ABL1: variants seen among roughly 807,000 people sequenced by gnomAD.
ABL1 encodes the protein tyrosine-protein kinase ABL1.
A neutral mutation model predicts 94.7 loss-of-function variants in ABL1; 11 were observed. The observed-to-expected ratio is 0.12, with a 90% CI of 0.07 to 0.19. ABL1 has a LOEUF of 0.19. ABL1 is among the 10% of genes least tolerant of loss of function. The pLI is 1.00. For missense variants in ABL1, 1,082 were observed against 1,489.4 expected (o/e 0.73, Z 4.50); for synonymous variants, 656 against 622.4 (o/e 1.05, Z -0.80).
chr9:130,808,931 C>T (rs754169179), intron 1 of ABL1, among the ~76,000 whole-genome samples: 2 of 152,272 alleles, frequency 1.3e-5, no homozygotes, highest in South Asian at 2.1e-4. Context: ...TTAAGAACAG[C>T]GAATCCTGAG....
chr9:130,795,981 C>T (rs1041947443), intron 1 of ABL1, among the ~76,000 whole-genome samples: 3 of 151,878 alleles, frequency 2.0e-5, no homozygotes, highest in African/African-American at 4.8e-5. Flanking sequence ...CACCTGAGGT[C>T]GGAGTTCGAG....
At chr9:130,829,911 A>G (rs1264871362) in intron 1 of ABL1, among the ~76,000 whole-genome samples, 4 of 152,230 alleles carry the variant, frequency 2.6e-5, no homozygotes, top group African/African-American at 9.7e-5. Context: ...TAGATAATGG[A>G]TAAATCTAAT....
At chr9:130,792,844 T>C (rs2132810536) in intron 1 of ABL1, among the ~76,000 whole-genome samples, 1 of 152,280 alleles carries the variant, frequency 6.6e-6, no homozygotes, top group East Asian at 1.9e-4. Context: ...ATGCAGCTGC[T>C]TTCTAGTTTC....
chr9:130,738,247 T>C (rs762483726), intron 1 of ABL1, among the ~76,000 whole-genome samples: 1 of 151,932 alleles, frequency 6.6e-6, no homozygotes, highest in Non-Finnish European at 1.5e-5. Context: ...GAAAGAAATG[T>C]CATGCTAGTG....
intron 1 of ABL1, among the ~76,000 whole-genome samples, chr9:130,787,674 C>T (rs1432848683): frequency 2.6e-5 from 4 of 152,120 alleles, no homozygotes; most frequent in Non-Finnish European, 4.4e-5. Flanking sequence ...GTCGTCGTCA[C>T]GAGCACCTGG....
At position 130,876,928 on chromosome 9, in the gene ABL1, G is replaced by A. The variant is rs1042442328; in HGVS notation, c.1271-1487G>A. 1.2e-4 allele frequency among the ~76,000 whole-genome samples: 17 copies of A among 146,454 alleles called. 2 individuals are homozygous for A. Among genetic ancestry groups the A allele is most frequent in the South Asian group, 4.2e-4 (2 of 4,740 alleles). ...ATTTTTTTTCTATTTTTGTAGAGACGGGGTTTCACTGCGTTAGCCAGGATG... is the reference window on the plus strand; with the variant it reads ...ATTTTTTTTCTATTTTTGTAGAGACAGGGTTTCACTGCGTTAGCCAGGATG... On this transcript the variant is annotated intron_variant, in intron 7 of 10. Transcript: ENST00000318560.
chr9:130,734,380 A>AT (rs896136153), intron 1 of ABL1, among the ~76,000 whole-genome samples: 26 of 150,104 alleles, frequency 1.7e-4, no homozygotes, highest in Non-Finnish European at 5.9e-5. Context: ...TGCCTGGCTA[A>AT]TTTTTTTTGC....
intron 1 of ABL1, among the ~76,000 whole-genome samples, chr9:130,755,901 G>A (rs1278234229): frequency 6.6e-6 from 1 of 152,144 alleles, no homozygotes; most frequent in Non-Finnish European, 1.5e-5. Context: ...CACAGCTCAG[G>A]GCCTGTCCTT....
At chr9:130,782,361 G>A (rs1588237015) in intron 1 of ABL1, among the ~76,000 whole-genome samples, 1 of 152,076 alleles carries the variant, frequency 6.6e-6, no homozygotes, top group African/African-American at 2.4e-5. Context: ...GTACCTGGCC[G>A]ATATTTTCTA....
rs1417407904 is a variant in ABL1, at chr9:130,796,215, T to C, written c.137-57849T>C. ...ATAAAAAATAGGGATTTATAAAACA[T>C]ATATGCAACTCATTAAGAACTTTTT... On this transcript the variant is annotated intron_variant, in intron 1 of 10. Coordinates refer to the ABL1 transcript ENST00000372348. Among the ~76,000 whole-genome samples, 4 of 150,866 alleles carry C rather than the reference T, an allele frequency of 2.7e-5. No individual in the cohort carries two copies. In the East Asian group the frequency reaches 7.8e-4, roughly 30 times the overall value.
intron 1 of ABL1, among the ~76,000 whole-genome samples, chr9:130,747,783 C>G (rs1267361805): frequency 6.6e-6 from 1 of 152,146 alleles, no homozygotes; most frequent in Non-Finnish European, 1.5e-5. Context: ...ATAATGCCCC[C>G]ATCTCAAGAT....
At chr9:130,738,899 T>C (rs538864401) in intron 1 of ABL1, among the ~76,000 whole-genome samples, 66 of 152,314 alleles carry the variant, frequency 4.3e-4, no homozygotes, top group African/African-American at 1.6e-3. Context: ...TCTTTTTCTT[T>C]TGAGACAGGG....
upstream of ABL1, among the ~76,000 whole-genome samples, chr9:130,831,317 A>T (rs961663692): frequency 1.2e-4 from 18 of 152,122 alleles, no homozygotes; most frequent in African/African-American, 3.4e-4. Context: ...CTGCTGAGAG[A>T]TGGAGCATCC....
intron 1 of ABL1, among the ~76,000 whole-genome samples, chr9:130,750,630 TTTTCTTTTTCTTTC>T: frequency 1.5e-5 from 2 of 137,798 alleles, no homozygotes; most frequent in African/African-American, 5.8e-5. Flanking sequence ...TCTTTTTCTT[TTTTCTTTTTCTTTC>T]TTTTTTTTTT....
rs560309042 is a variant in ABL1 at position 130,805,509 on chromosome 9, A to G, written c.137-48555A>G. On this transcript the variant is annotated intron_variant, in intron 1 of 10. Transcript: ENST00000372348. ...TACTAGATATTTCTTCGGTATATTC[A>G]TAATGACAGAACAATTGTTTATGAT... Among the ~76,000 whole-genome samples the G allele has an allele frequency of 3.0e-4, 45 of 152,372 alleles. 2 individuals carry two copies. The South Asian group carries it at 8.9e-3, about 30-fold the overall frequency.
chr9:130,875,972 C>T (rs1465389724), intron 7 of ABL1, among the ~76,000 whole-genome samples: 2 of 152,094 alleles, frequency 1.3e-5, no homozygotes, highest in East Asian at 1.9e-4. Flanking sequence ...GGATTATAGG[C>T]GCATGCCACC....
At chr9:130,874,658 C>T (rs988900982) in intron 6 of ABL1, among the ~76,000 whole-genome samples, 6 of 152,198 alleles carry the variant, frequency 3.9e-5, no homozygotes, top group African/African-American at 1.2e-4. Flanking sequence ...GAGCCCGCTC[C>T]CAGCACCAGC....
chr9:130,850,014 C>G (rs1168065251), intron 1 of ABL1, among the ~76,000 whole-genome samples: 1 of 152,138 alleles, frequency 6.6e-6, no homozygotes, highest in Non-Finnish European at 1.5e-5. Context: ...GCTAAATTGA[C>G]CGGCACTCTT....
chr9:130,873,269 C>T (rs1831284157), intron 6 of ABL1, among the ~76,000 whole-genome samples: 2 of 152,218 alleles, frequency 1.3e-5, no homozygotes, highest in African/African-American at 4.8e-5. Context: ...AGTGGAGCAG[C>T]TAATCCCCGG....
Sources: gnomAD v4.1 joint callset for allele counts (sites outside exome capture counted in the v4.1 genomes callset) on GRCh38, gnomAD v4.1.1 for gene constraint, MANE v1.5 for transcripts, NCBI Gene and HGNC (gene_info 2026-07-23, HGNC 2026-07-21) for gene names.